Variants in DRC8 observed in about 807,000 individuals in gnomAD.
DRC8 encodes the protein dynein regulatory complex protein 8.
At chr1:244,990,815 T>G in the DRC8 span, among the ~76,000 whole-genome samples, 116 of 143,244 alleles carry the variant, frequency 8.1e-4, no homozygotes, top group Non-Finnish European at 1.0e-3. Context: ...GTGGGTGGTG[T>G]TTTTTTTTTT....
the DRC8 span, among the ~76,000 whole-genome samples, chr1:245,077,637 T>G: frequency 4.6e-5 from 7 of 152,210 alleles, no homozygotes; most frequent in Non-Finnish European, 8.8e-5. Context: ...GGATAGTGTC[T>G]TCAATGAATG....
At chr1:245,046,457 A>G in the DRC8 span, among the ~76,000 whole-genome samples, 15 of 152,272 alleles carry the variant, frequency 9.9e-5, no homozygotes, top group African/African-American at 3.6e-4. Flanking sequence ...TGTTAGCAAT[A>G]CGGTTTCCTC....
At chr1:244,981,007 AC>A in the DRC8 span, among the ~76,000 whole-genome samples, 1 of 151,808 alleles carries the variant, frequency 6.6e-6, no homozygotes, top group Non-Finnish European at 1.5e-5. Context: ...ACATGGCAAA[AC>A]CCCCTCTCTA....
the DRC8 span, among the ~76,000 whole-genome samples, chr1:245,107,663 C>T: frequency 4.6e-5 from 7 of 152,180 alleles, no homozygotes; most frequent in East Asian, 1.3e-3. Context: ...GCTCCTCCTC[C>T]ACGCTGCCCT....
the DRC8 span, among the ~76,000 whole-genome samples, chr1:244,995,098 C>T: frequency 6.6e-6 from 1 of 151,772 alleles, no homozygotes; most frequent in Admixed American, 6.6e-5. Flanking sequence ...CGCGGTGGCT[C>T]ACACCTGTCA....
At chr1:245,105,942 G>A in the DRC8 span, among the ~76,000 whole-genome samples, 2 of 152,162 alleles carry the variant, frequency 1.3e-5, no homozygotes, top group African/African-American at 4.8e-5. Context: ...AGCTGGGTAT[G>A]GTGGCACATG....
the DRC8 span, among the ~76,000 whole-genome samples, chr1:245,020,406 G>A: frequency 8.6e-5 from 13 of 152,014 alleles, no homozygotes; most frequent in East Asian, 9.7e-4. Context: ...TCCCAGCTCC[G>A]TGACTGCGAG....
At chr1:245,091,800 T>G in the DRC8 span, 1 of 152,366 alleles carries the variant, frequency 6.6e-6, no homozygotes, top group East Asian at 1.9e-4. Context: ...GGGAACATTT[T>G]CCTTTACACT....
chr1:245,083,689 G>GT, the DRC8 span: 1 of 1,606,020 alleles, frequency 6.2e-7, no homozygotes, highest in Non-Finnish European at 8.5e-7. Flanking sequence ...ACTGAAGAAG[G>GT]TAAGTGTGAT....
chr1:245,100,742 A>G, the DRC8 span, among the ~76,000 whole-genome samples: 22 of 152,030 alleles, frequency 1.4e-4, no homozygotes, highest in African/African-American at 4.1e-4. Flanking sequence ...TGATCGGTCT[A>G]CTGCACTCCA....
At chr1:245,010,537 C>T in the DRC8 span, among the ~76,000 whole-genome samples, 2 of 152,104 alleles carry the variant, frequency 1.3e-5, no homozygotes, top group East Asian at 3.9e-4. Flanking sequence ...GTGCCCTGGT[C>T]CCCCTGTGGG....
chr1:245,027,323 G>T, the DRC8 span, among the ~76,000 whole-genome samples: 2 of 151,956 alleles, frequency 1.3e-5, no homozygotes, highest in African/African-American at 4.8e-5. Context: ...GTGGATAGAA[G>T]GGTGGGAAAT....
chr1:245,063,959 G>A, the DRC8 span, among the ~76,000 whole-genome samples: 3 of 152,116 alleles, frequency 2.0e-5, no homozygotes, highest in Non-Finnish European at 2.9e-5. Context: ...CTGACCTCAG[G>A]TGATCCGCCC....
the DRC8 span, among the ~76,000 whole-genome samples, chr1:244,985,076 G>GTTTTGTT: frequency 2.3e-5 from 3 of 130,800 alleles, no homozygotes; most frequent in African/African-American, 9.3e-5. Flanking sequence ...TGTCTCCAGG[G>GTTTTGTT]TTTTTTTTTT....
chr1:245,062,586 C>T, the DRC8 span, among the ~76,000 whole-genome samples: 9 of 152,116 alleles, frequency 5.9e-5, no homozygotes, highest in Non-Finnish European at 1.3e-4. Flanking sequence ...TGGAGAACTT[C>T]AACTAATTAC....
At chr1:245,092,822 C>T in the DRC8 span, among the ~76,000 whole-genome samples, 3 of 151,980 alleles carry the variant, frequency 2.0e-5, no homozygotes, top group African/African-American at 4.8e-5. Context: ...CCCCGGAGGT[C>T]GAGGCTACAG....
At chr1:245,042,926 T>C in the DRC8 span, among the ~76,000 whole-genome samples, 2 of 152,160 alleles carry the variant, frequency 1.3e-5, no homozygotes, top group East Asian at 1.9e-4. Flanking sequence ...GTCAAACATT[T>C]TAAGTGGTCC....
At chr1:244,984,100 G>C in the DRC8 span, among the ~76,000 whole-genome samples, 7,356 of 151,606 alleles carry the variant, frequency 0.049, 268 homozygotes, top group Non-Finnish European at 0.077. Context: ...GACTACAGGT[G>C]TATGCCACCG....
At chr1:245,005,499 C>A in the DRC8 span, among the ~76,000 whole-genome samples, 1 of 151,784 alleles carries the variant, frequency 6.6e-6, no homozygotes, top group Non-Finnish European at 1.5e-5. Context: ...TACAGGCGCA[C>A]ACCACCACAC....
Sources: allele counts gnomAD v4.1 joint callset (sites outside exome capture counted in the v4.1 genomes callset), GRCh38; gene constraint gnomAD v4.1.1; transcripts MANE v1.5; gene names NCBI Gene and HGNC (gene_info 2026-07-23, HGNC 2026-07-21).